Variants in CDIN1 observed in about 807,000 individuals in gnomAD.
CDIN1 encodes CDAN1 interacting nuclease 1.
In CDIN1, 33 loss-of-function variants were observed where a neutral mutation model predicts 45.3. The observed-to-expected ratio is 0.73, with a 90% CI of 0.55 to 0.97. The LOEUF (loss-of-function observed/expected upper bound fraction) is 0.97. Ranked by LOEUF, CDIN1 falls within the 50% of genes least tolerant of loss-of-function variation. The pLI, the probability that CDIN1 is intolerant of heterozygous loss-of-function variation, is 0.00. For missense variants in CDIN1, 303 were observed against 339.4 expected, an observed-to-expected ratio of 0.89 and a Z score of 0.84; for synonymous variants, 118 against 124.4, an observed-to-expected ratio of 0.95 and a Z score of 0.34.
At chr15:36,730,868 T>C (rs1019818558) in intron 10 of CDIN1, among the ~76,000 whole-genome samples, 2 of 152,132 alleles carry the variant, frequency 1.3e-5, no homozygotes, top group African/African-American at 2.4e-5. Flanking sequence ...TTCTTTTTTC[T>C]AATTTTTAGT....
chr15:36,682,193 G>C (rs2041873681), intron 5 of CDIN1, among the ~76,000 whole-genome samples: 5 of 151,938 alleles, frequency 3.3e-5, no homozygotes, highest in Admixed American at 1.3e-4. Flanking sequence ...CCAGTTCCAG[G>C]CTAAAGCCCT....
intron 10 of CDIN1, among the ~76,000 whole-genome samples, chr15:36,719,721 G>T (rs541112296): frequency 1.3e-5 from 2 of 152,166 alleles, no homozygotes; most frequent in South Asian, 2.1e-4. Flanking sequence ...TAAATTTTTG[G>T]TGAGATTCCC....
chr15:36,649,700 TA>T (rs1330888343), intron 3 of CDIN1, among the ~76,000 whole-genome samples: 1 of 152,116 alleles, frequency 6.6e-6, no homozygotes, highest in Non-Finnish European at 1.5e-5. Flanking sequence ...TACAAACTAG[TA>T]AAGATGATAA....
chr15:36,609,636 C>A (rs1388833734), intron 1 of CDIN1, among the ~76,000 whole-genome samples: 2 of 152,166 alleles, frequency 1.3e-5, no homozygotes, highest in African/African-American at 4.8e-5. Context: ...AAATGTATTT[C>A]TTTAGCTGAA....
At chr15:36,582,876 G>A (rs910947778) in intron 1 of CDIN1, among the ~76,000 whole-genome samples, 4 of 152,168 alleles carry the variant, frequency 2.6e-5, no homozygotes, top group African/African-American at 4.8e-5. Context: ...ATGACATCTT[G>A]TAGTTAGCAT....
At chr15:36,663,181 A>G (rs1358490437) in intron 5 of CDIN1, among the ~76,000 whole-genome samples, 1 of 152,182 alleles carries the variant, frequency 6.6e-6, no homozygotes, top group Non-Finnish European at 1.5e-5. Flanking sequence ...GTTTGTATGT[A>G]CAATCTTAGT....
At chr15:36,723,145 T>C (rs898748203) in intron 10 of CDIN1, among the ~76,000 whole-genome samples, 5 of 152,304 alleles carry the variant, frequency 3.3e-5, no homozygotes, top group African/African-American at 1.2e-4. Flanking sequence ...ATTGTCTTGT[T>C]AACCCTTTCT....
chr15:36,780,200 G>T (rs1416041339), intron 10 of CDIN1, among the ~76,000 whole-genome samples: 3 of 152,142 alleles, frequency 2.0e-5, no homozygotes, highest in Non-Finnish European at 4.4e-5. Context: ...AGATTTTTCA[G>T]TTCCTCATTC....
At chr15:36,801,395 G>C (rs1419068315) in intron 10 of CDIN1, among the ~76,000 whole-genome samples, 1 of 152,088 alleles carries the variant, frequency 6.6e-6, no homozygotes, top group Non-Finnish European at 1.5e-5. Flanking sequence ...ACATGGGTAA[G>C]CCAAGTTAAT....
chr15:36,648,425 C>CCA (rs2040433735), intron 3 of CDIN1, among the ~76,000 whole-genome samples: 2 of 58,314 alleles, frequency 3.4e-5, no homozygotes, highest in African/African-American at 1.3e-4. Flanking sequence ...TTCCAATATT[C>CCA]TATTTTTTTT....
intron 10 of CDIN1, among the ~76,000 whole-genome samples, chr15:36,807,329 C>T (rs1351808560): frequency 6.6e-6 from 1 of 152,204 alleles, no homozygotes; most frequent in East Asian, 1.9e-4. Flanking sequence ...TGTTTTTAGA[C>T]ATGCTTTTAC....
chr15:36,753,490 C>G (rs1348346193), intron 10 of CDIN1, among the ~76,000 whole-genome samples: 2 of 152,036 alleles, frequency 1.3e-5, no homozygotes, highest in Non-Finnish European at 2.9e-5. Flanking sequence ...AATTAGTATC[C>G]TATTCCTGAG....
At chr15:36,675,769 T>C (rs112837881) in intron 5 of CDIN1, among the ~76,000 whole-genome samples, 1 of 152,170 alleles carries the variant, frequency 6.6e-6, no homozygotes, top group Admixed American at 6.6e-5. Flanking sequence ...TTTAAATGAA[T>C]AGCTCATTTG....
Position 36,645,254 on chromosome 15 carries a change from A to G in CDIN1, c.179A>G (p.His60Arg), listed in dbSNP as rs1329713061. The G allele has an allele frequency of 2.6e-6, 4 of 1,553,310 alleles. No individual in the cohort carries two copies. In the African/African-American group the frequency reaches 5.5e-5, roughly 21 times the overall value. The change falls in exon 3 of 11, where the codon CAT becomes CGT. Residue 60 changes from histidine (H) to arginine (R), a missense_variant. By Grantham distance (29) the His-to-Arg change is conservative. Coordinates refer to ENST00000566621, the MANE Select transcript of CDIN1 (RefSeq NM_001321759.2). The part of the protein sequence containing the change: ...KHIKRTHAKH[H>R]TSEAIESYYQ... The stretch of plus-strand genomic sequence containing the variant: ...ATTAAAAGAACACATGCCAAACATC[A>G]TACTTCGGAAGCAATTGAAAGTTAT...
At chr15:36,587,492 A>G (rs1367137793) in intron 1 of CDIN1, among the ~76,000 whole-genome samples, 1 of 152,076 alleles carries the variant, frequency 6.6e-6, no homozygotes, top group Non-Finnish European at 1.5e-5. Flanking sequence ...TGAACTTAGG[A>G]GTCCAATCTG....
intron 5 of CDIN1, among the ~76,000 whole-genome samples, chr15:36,666,195 A>T (rs542345352): frequency 2.0e-5 from 3 of 152,176 alleles, no homozygotes; most frequent in Non-Finnish European, 4.4e-5. Context: ...GCCTGAGCCT[A>T]TCAGACACAA....
chr15:36,756,166 C>G (rs1368181234), intron 10 of CDIN1: 3 of 455,644 alleles, frequency 6.6e-6, no homozygotes. Context: ...GTGGGGAATC[C>G]TTAGTTGAAG....
chr15:36,714,168 TACGC>T (rs1202135379), intron 10 of CDIN1, among the ~76,000 whole-genome samples: 2 of 152,216 alleles, frequency 1.3e-5, no homozygotes, highest in Non-Finnish European at 1.5e-5. Context: ...GAAAAACTTT[TACGC>T]ACTTTTCAAA....
At chr15:36,597,016 C>T (rs1180116739) in intron 1 of CDIN1, among the ~76,000 whole-genome samples, 1 of 152,148 alleles carries the variant, frequency 6.6e-6, no homozygotes, top group Non-Finnish European at 1.5e-5. Context: ...TGTTTGCCGT[C>T]ATTGTTGGCA....
Sources: allele counts gnomAD v4.1 joint callset (sites outside exome capture counted in the v4.1 genomes callset), GRCh38; gene constraint gnomAD v4.1.1; transcripts MANE v1.5; gene names NCBI Gene and HGNC (gene_info 2026-07-23, HGNC 2026-07-21).